The following TRMU variants were observed in gnomAD, a reference collection of about 807,000 sequenced individuals.
The protein encoded by TRMU is tRNA mitochondrial 2-thiouridylase.
A neutral mutation model predicts 46.9 loss-of-function variants in TRMU; 49 were observed. The ratio of observed to expected loss-of-function variants is 1.05; its 90% CI spans 0.83 to 1.33. The LOEUF is 1.33. Ranked by LOEUF, TRMU falls within the 40% of genes most tolerant of loss-of-function variation. The pLI, the probability that TRMU is intolerant of heterozygous loss-of-function variation, is 0.00. For missense variants in TRMU, 572 were observed against 532.4 expected, an observed-to-expected ratio of 1.07 and a Z score of -0.73; for synonymous variants, 241 against 200.9, an observed-to-expected ratio of 1.20 and a Z score of -1.69.
At position 46,357,048 on chromosome 22, in the gene TRMU, A is replaced by G; in HGVS notation, c.*42A>G. ...AGAAGGAACCTGGAGAGCAGGACCC[A>G]TGGCTGGGCGGCTGGTGAGCAGTCC... On this transcript the variant is annotated 3_prime_UTR_variant, in exon 11 of 11. Transcript: ENST00000645190. 6.2e-7 allele frequency: 1 copy of G among 1,611,950 alleles called. No homozygotes were observed. Among genetic ancestry groups the G allele is most frequent in the Non-Finnish European group, 8.5e-7 (1 of 1,179,380 alleles).
intron 8 of TRMU, chr22:46,355,233 TG>T: frequency 1.4e-6 from 1 of 701,678 alleles, no homozygotes; most frequent in Non-Finnish European, 2.4e-6. Context: ...ACTTCCTTCC[TG>T]GGCCTTAGTC....
rs1352904454 is a variant in TRMU at position 46,349,441 on chromosome 22, A to G, written c.479-850A>G. Among the ~76,000 whole-genome samples the G allele has an allele frequency of 6.6e-6, 1 of 152,240 alleles. No individual in the cohort carries two copies. The highest frequency in any genetic ancestry group is 2.4e-5 in the African/African-American group (1 of 41,468). On this transcript the variant is annotated intron_variant, in intron 4 of 10. Transcript: ENST00000645190. The surrounding 1 kb of genome is among the most constrained non-coding windows in gnomAD (Gnocchi z 4.6). ...TAGCTACGCAGAGTGTGTACTGTACACGTGGCTCTGCCAAGCCAGGAAGGG... is the reference window on the plus strand; with the variant it reads ...TAGCTACGCAGAGTGTGTACTGTACGCGTGGCTCTGCCAAGCCAGGAAGGG...
chr22:46,336,173 A>C lies in TRMU; in HGVS notation c.82+327A>C. The C allele has an allele frequency of 8.2e-7, 1 of 1,225,048 alleles. No individual in the cohort carries two copies. The highest frequency in any genetic ancestry group is 1.0e-6 in the Non-Finnish European group (1 of 972,822). The allele number at this position is 1,225,048 out of a possible 1,614,324, so 75.9% of individuals were successfully genotyped here. The stretch of plus-strand genomic sequence containing the variant: ...TTTCTCACGGATCTGCGGCGTCCAC[A>C]TTCACCTGTGAGACCGTGGACACTG... On this transcript the variant is annotated intron_variant, in intron 1 of 10. Transcript: ENST00000645190. The surrounding 1 kb of genome is among the most constrained non-coding windows in gnomAD (Gnocchi z 4.1).
chr22:46,356,324 G>A (rs1009323099), intron 10 of TRMU: 11 of 544,062 alleles, frequency 2.0e-5, no homozygotes, highest in East Asian at 6.3e-5. Context: ...GCTGCTGCCC[G>A]GGCCCCAGAA....
chr22:46,343,189 A>G (rs1043397809), intron 2 of TRMU, 73 bp from the exon 3 acceptor site: 17 of 1,115,212 alleles, frequency 1.5e-5, no homozygotes, highest in Middle Eastern at 2.1e-4. Flanking sequence ...TAAACAAGCA[A>G]TTTAGTGAAC....
At chr22:46,344,591 GC>G (rs2078204268) in intron 3 of TRMU, among the ~76,000 whole-genome samples, 1 of 152,214 alleles carries the variant, frequency 6.6e-6, no homozygotes, top group Non-Finnish European at 1.5e-5. Flanking sequence ...GGGAAGGCTT[GC>G]CTTTGGAGAG....
rs1301616459 is a variant in TRMU at position 46,338,986 on chromosome 22, C to T, written c.248+1042C>T. Among the ~76,000 whole-genome samples the T allele has an allele frequency of 6.6e-6, 1 of 151,982 alleles. No homozygotes were observed. Among genetic ancestry groups the T allele is most frequent in the Non-Finnish European group, 1.5e-5 (1 of 67,978 alleles). On this transcript the variant is annotated intron_variant, in intron 2 of 10. Transcript: ENST00000645190. The surrounding 1 kb of genome is among the most constrained non-coding windows in gnomAD (Gnocchi z 4.5). The stretch of plus-strand genomic sequence containing the variant: ...TGAAAAAAATTCTCTTTTTTTCCTG[C>T]CAACAAAGACCCAGAAGAGATACTT...
rs776871940 is a variant in TRMU at position 46,346,510 on chromosome 22, A to T, written c.444A>T (p.Glu148Asp). The stretch of plus-strand genomic sequence containing the variant: ...AGCAGAAGCACGTTAAGAAGCCCGA[A>T]GGGCTTTTCAGAAATCGGTTTGAAG... Reference protein sequence around the residue: ...VFEQKHVKKPEGLFRNRFEVR... With the variant: ...VFEQKHVKKPDGLFRNRFEVR... Residue 148 changes from glutamate (E) to aspartate (D), a missense_variant, in exon 4 of 11, where the codon GAA (glutamate) becomes GAT (aspartate). By Grantham distance (45) the Glu-to-Asp change is conservative. Coordinates refer to ENST00000645190, the MANE Select transcript of TRMU (RefSeq NM_018006.5). 3 of 1,612,970 alleles carry T rather than the reference A, an allele frequency of 1.9e-6. No homozygotes were observed. Among genetic ancestry groups the T allele is most frequent in the Non-Finnish European group, 1.7e-6 (2 of 1,179,222 alleles).
At chr22:46,337,664 A>C (rs968244250) in intron 1 of TRMU, 115 bp from the exon 2 acceptor site, 2 of 1,368,234 alleles carry the variant, frequency 1.5e-6, no homozygotes, top group Non-Finnish European at 2.0e-6. Flanking sequence ...CCGGCAGGCC[A>C]GGCACAGAGG....
At position 46,350,250 on chromosome 22, in the gene TRMU, T is replaced by C. The variant is rs776815940; in HGVS notation, c.479-41T>C. The C allele has an allele frequency of 1.2e-6, 2 of 1,613,218 alleles. No individual in the cohort carries two copies. Among genetic ancestry groups the C allele is most frequent in the Non-Finnish European group, 1.7e-6 (2 of 1,179,256 alleles). ...CATTGTTGAAAGTGAAGTATCATTA[T>C]TTTTATTCCTGCATCGTCTTTTGTT... On this transcript the variant is annotated intron_variant, in intron 4 of 10. Coordinates refer to ENST00000645190, the MANE Select transcript of TRMU (RefSeq NM_018006.5). The surrounding 1 kb of genome is among the most constrained non-coding windows in gnomAD (Gnocchi z 4.6).
At chr22:46,353,939 C>T (rs1218559514) in intron 8 of TRMU, 72 bp downstream of exon 8, 4 of 1,423,174 alleles carry the variant, frequency 2.8e-6, no homozygotes, top group Non-Finnish European at 3.0e-6. Context: ...CAGACCAGGG[C>T]TTGAGAAGGC....
Position 46,350,441 on chromosome 22 carries a change from A to T in TRMU, c.629A>T (p.His210Leu), listed in dbSNP as rs145817008. The change falls in exon 5 of 11, where the codon CAT becomes CTT. Residue 210 changes from histidine (H) to leucine (L), a missense_variant. By Grantham distance (99) the His-to-Leu change is moderately conservative (BLOSUM62 -3). Transcript: ENST00000645190. This position sits in a 1 kb window ranked among gnomAD's most constrained non-coding sequence, Gnocchi z 4.6. The part of the protein sequence containing the change: ...VKKIAAENRL[H>L]HVLQKKESMG... ...AAAATCGCTGCTGAGAATAGACTTC[A>T]TCATGTGCTTCAGAAGAAAGAGGTA... 84 of 1,613,730 alleles carry T rather than the reference A, an allele frequency of 5.2e-5. 1 individual carries two copies. Among genetic ancestry groups the T allele is most frequent in the Non-Finnish European group, 6.0e-5 (71 of 1,180,026 alleles).
At chr22:46,345,656 T>C (rs1330589790) in intron 3 of TRMU, among the ~76,000 whole-genome samples, 1 of 152,184 alleles carries the variant, frequency 6.6e-6, no homozygotes, top group Non-Finnish European at 1.5e-5. Context: ...TGCTGAACAG[T>C]GCCGGGCATT....
rs2078630596 is a variant in TRMU, at chr22:46,356,923, A to G, written c.1183A>G (p.Lys395Glu). ...RLGPSAYTLQ[K>E]GQRRAGMATE... ...GGGGCCGTCTGCCTACACGCTCCAG[A>G]AGGGCCAGCGCAGAGCTGGGATGGC... Residue 395 changes from lysine to glutamate, a missense_variant, in exon 11 of 11, where the codon AAG (lysine) becomes GAG (glutamate). Physicochemically the swap from Lys to Glu is moderately conservative, Grantham distance 56 (BLOSUM62 1). Transcript: ENST00000645190. The G allele has an allele frequency of 6.2e-7, 1 of 1,613,242 alleles. No homozygotes were observed. Among genetic ancestry groups the G allele is most frequent in the Non-Finnish European group, 8.5e-7 (1 of 1,179,876 alleles).
chr22:46,354,147 C>T (rs973097533), intron 8 of TRMU: 6 of 383,362 alleles, frequency 1.6e-5, no homozygotes, highest in South Asian at 8.6e-5. Flanking sequence ...AGGACAGCGA[C>T]GCCCAGAGCT....
Position 46,350,495 on chromosome 22 carries a change from C to CTGTT in TRMU, c.651+34_651+37dup, listed in dbSNP as rs761483780. ...GTGAGCAGTTGCCTTTGATTAGTGC[C>CTGTT]TGTTTCCCTTTCCCGACTGCATGGC... On this transcript the variant is annotated intron_variant, in intron 5 of 10. Coordinates refer to ENST00000645190, the MANE Select transcript of TRMU (RefSeq NM_018006.5). The surrounding 1 kb of genome is among the most constrained non-coding windows in gnomAD (Gnocchi z 4.6). 1.9e-6 allele frequency: 3 copies of CTGTT among 1,612,338 alleles called. No individual in the cohort carries two copies. Among genetic ancestry groups the CTGTT allele is most frequent in the Non-Finnish European group, 2.5e-6 (3 of 1,179,646 alleles).
rs759932772 is a variant in TRMU, at chr22:46,350,282, T to A, written c.479-9T>A. On this transcript the variant is annotated splice_polypyrimidine_tract_variant and intron_variant, in intron 4 of 10. Transcript: ENST00000645190. The surrounding 1 kb of genome is among the most constrained non-coding windows in gnomAD (Gnocchi z 4.6). The stretch of plus-strand genomic sequence containing the variant: ...TCCTGCATCGTCTTTTGTTCTTTAT[T>A]CTTGGCAGCGGTAAAACTCCTCCAG... 51 of 1,614,096 alleles carry A rather than the reference T, an allele frequency of 3.2e-5. No homozygotes were observed. Among genetic ancestry groups the A allele is most frequent in the Non-Finnish European group, 4.2e-5 (49 of 1,180,034 alleles).
intron 3 of TRMU, among the ~76,000 whole-genome samples, chr22:46,345,228 G>A (rs974199840): frequency 2.6e-5 from 4 of 152,094 alleles, no homozygotes; most frequent in Admixed American, 1.3e-4. Flanking sequence ...CCACCAACAT[G>A]TCTAGCTAAT....
intron 2 of TRMU, among the ~76,000 whole-genome samples, chr22:46,340,362 A>G (rs1321526893): frequency 6.6e-6 from 1 of 152,194 alleles, no homozygotes; most frequent in East Asian, 1.9e-4. Context: ...AGTACTGTAG[A>G]GTTTGAGGGG....
Sources: allele counts gnomAD v4.1 joint callset (sites outside exome capture counted in the v4.1 genomes callset), GRCh38; gene constraint gnomAD v4.1.1; non-coding constraint Gnocchi (gnomAD v3.1); transcripts MANE v1.5; gene names NCBI Gene and HGNC (gene_info 2026-07-23, HGNC 2026-07-21).